Variants in TMEM178B observed in about 807,000 individuals in gnomAD.
TMEM178B encodes the protein transmembrane protein 178B.
Under a neutral mutation model 31.0 loss-of-function variants are expected in TMEM178B, and 5 were observed. The observed-to-expected ratio is 0.16, with a 90% CI of 0.08 to 0.34. The LOEUF (loss-of-function observed/expected upper bound fraction) is 0.34. TMEM178B is among the 10% of genes least tolerant of loss of function. The pLI, the probability that TMEM178B is intolerant of heterozygous loss-of-function variation, is 1.00. For missense variants in TMEM178B, 275 were observed against 400.3 expected (o/e 0.69, Z 2.67); for synonymous variants, 164 against 164.0 (o/e 1.00, Z 0.00).
the TMEM178B span, among the ~76,000 whole-genome samples, chr7:141,495,273 T>C: frequency 8.6e-3 from 1,316 of 152,290 alleles, 11 homozygotes; most frequent in African/African-American, 0.03. Flanking sequence ...GTCACTAGGT[T>C]GCCAAAAATA....
In TMEM178B at chr7:141,074,106, G is replaced by T; in HGVS notation, c.-205G>T. 1 of 660,860 alleles carries T rather than the reference G, an allele frequency of 1.5e-6. No individual in the cohort carries two copies. The highest frequency in any genetic ancestry group is 2.2e-6 in the Non-Finnish European group (1 of 449,872). The allele number at this position is 660,860 out of a possible 1,614,324, so 40.9% of individuals were successfully genotyped here. A position where few individuals can be genotyped will look rare whatever the true frequency, so the allele number is the denominator to read the frequency against. On this transcript the variant is annotated 5_prime_UTR_variant, in exon 1 of 4. Transcript: ENST00000565468. The surrounding 1 kb of genome is among the most constrained non-coding windows in gnomAD (Gnocchi z 5.1). ...CCCAGGAGCCCGCGGGAGCCTCTCC[G>T]GATCAGAACTTTTTAGGCCGCCCGC...
chr7:141,140,056 G>A lies in TMEM178B; in HGVS notation c.382+65364G>A, dbSNP rs2129179005. Among the ~76,000 whole-genome samples the A allele has an allele frequency of 1.3e-5, 2 of 152,244 alleles. 1 individual carries two copies. Among genetic ancestry groups the A allele is most frequent in the South Asian group, 4.1e-4 (2 of 4,822 alleles). ...GCTGGGATTACAGGCACGAGCCACTGCACCCGGCCAGAGGTTCTTCTCCTT... is the reference window on the plus strand; with the variant it reads ...GCTGGGATTACAGGCACGAGCCACTACACCCGGCCAGAGGTTCTTCTCCTT... On this transcript the variant is annotated intron_variant, in intron 1 of 3. Coordinates refer to ENST00000565468, the MANE Select transcript of TMEM178B (RefSeq NM_001195278.2).
At chr7:141,261,674 C>A (rs1798014431) in intron 2 of TMEM178B, among the ~76,000 whole-genome samples, 1 of 152,128 alleles carries the variant, frequency 6.6e-6, no homozygotes, top group African/African-American at 2.4e-5. Context: ...AGGTCCTCTG[C>A]TGGGTGCTTC....
chr7:141,238,132 G>T (rs1797559466), intron 2 of TMEM178B, among the ~76,000 whole-genome samples: 1 of 152,088 alleles, frequency 6.6e-6, no homozygotes, highest in African/African-American at 2.4e-5. Flanking sequence ...GTTGACTTCA[G>T]TGGAGGCTCA....
intron 2 of TMEM178B, among the ~76,000 whole-genome samples, chr7:141,265,912 C>A (rs980394934): frequency 1.3e-5 from 2 of 152,186 alleles, no homozygotes; most frequent in African/African-American, 4.8e-5. Flanking sequence ...TGGGTTTCCC[C>A]AGCTGAAGGC....
intron 2 of TMEM178B, among the ~76,000 whole-genome samples, chr7:141,404,318 AAAACAAAC>A (rs550387001): frequency 6.6e-6 from 1 of 152,176 alleles, no homozygotes; most frequent in Non-Finnish European, 1.5e-5. Context: ...AACAAAAACA[AAAACAAAC>A]AAACAAACAA....
intron 2 of TMEM178B, among the ~76,000 whole-genome samples, chr7:141,331,254 G>A (rs1249783132): frequency 5.9e-5 from 9 of 152,212 alleles, no homozygotes; most frequent in Non-Finnish European, 1.2e-4. Context: ...ATAACACCAA[G>A]GGAGTAAATG....
At chr7:141,443,470 A>T (rs1801697861) in intron 3 of TMEM178B, among the ~76,000 whole-genome samples, 1 of 152,166 alleles carries the variant, frequency 6.6e-6, no homozygotes, top group Non-Finnish European at 1.5e-5. Flanking sequence ...AAAGAGTACT[A>T]GTCAGGCATA....
At chr7:141,429,154 T>G (rs1801375199) in intron 2 of TMEM178B, among the ~76,000 whole-genome samples, 1 of 152,160 alleles carries the variant, frequency 6.6e-6, no homozygotes, top group Non-Finnish European at 1.5e-5. Flanking sequence ...AATCCAGCAA[T>G]TCCACTACTG....
chr7:141,483,502 G>A (rs1443561325), downstream of TMEM178B, among the ~76,000 whole-genome samples: 2 of 152,144 alleles, frequency 1.3e-5, no homozygotes, highest in African/African-American at 2.4e-5. Context: ...CATTAAGCAG[G>A]TCTGGATTGA....
the TMEM178B span, among the ~76,000 whole-genome samples, chr7:141,502,888 A>G: frequency 6.6e-6 from 1 of 152,242 alleles, no homozygotes; most frequent in African/African-American, 2.4e-5. Flanking sequence ...CAAGGAATTT[A>G]ATGTTTAATC....
chr7:141,246,154 C>T lies in TMEM178B; in HGVS notation c.496+33450C>T, dbSNP rs113722659. The stretch of plus-strand genomic sequence containing the variant: ...GTCTGAATAAGAATCAGGTTGCTTC[C>T]AGATCCCAGACAGCTACTGAGGACC... On this transcript the variant is annotated intron_variant, in intron 2 of 3. Transcript: ENST00000565468. Among the ~76,000 whole-genome samples the T allele has an allele frequency of 2.0e-3, 299 of 152,254 alleles. 2 individuals are homozygous for T. The highest frequency in any genetic ancestry group is 6.8e-3 in the African/African-American group (283 of 41,542).
At chr7:141,220,329 TAATAATA>T (rs1039039544) in intron 2 of TMEM178B, among the ~76,000 whole-genome samples, 25 of 37,304 alleles carry the variant, frequency 6.7e-4, no homozygotes, top group African/African-American at 3.4e-3. Context: ...ATAATAATAA[TAATAATA>T]ATAATAATAA....
intron 2 of TMEM178B, among the ~76,000 whole-genome samples, chr7:141,369,895 T>C (rs1324201689): frequency 6.6e-6 from 1 of 152,180 alleles, no homozygotes; most frequent in Non-Finnish European, 1.5e-5. Context: ...ATCAAACAGC[T>C]TGGAGAGAAA....
At chr7:141,441,766 A>C (rs1161142873) in intron 3 of TMEM178B, among the ~76,000 whole-genome samples, 1 of 152,226 alleles carries the variant, frequency 6.6e-6, no homozygotes, top group Admixed American at 6.5e-5. Flanking sequence ...CCTCTCTTCC[A>C]ATATGAAGGA....
intron 1 of TMEM178B, among the ~76,000 whole-genome samples, chr7:141,116,049 A>G (rs1316934406): frequency 6.6e-6 from 1 of 152,232 alleles, no homozygotes; most frequent in African/African-American, 2.4e-5. Context: ...GCAAATGAGT[A>G]TGGCGCTGGC....
chr7:141,283,480 T>TC (rs1412045620), intron 2 of TMEM178B, among the ~76,000 whole-genome samples: 1 of 152,220 alleles, frequency 6.6e-6, no homozygotes, highest in Admixed American at 6.5e-5. Context: ...GGGATGGCAT[T>TC]CCCCCTGGAT....
chr7:141,279,031 T>C (rs1398451225), intron 2 of TMEM178B, among the ~76,000 whole-genome samples: 2 of 152,228 alleles, frequency 1.3e-5, no homozygotes, highest in East Asian at 1.9e-4. Context: ...GTGAACATTA[T>C]GTAACCTCAA....
intron 2 of TMEM178B, among the ~76,000 whole-genome samples, chr7:141,404,150 A>G: frequency 6.6e-6 from 1 of 152,082 alleles, no homozygotes; most frequent in East Asian, 1.9e-4. Flanking sequence ...CTAAAAATAC[A>G]AAATATTAGC....
Sources: gnomAD v4.1 joint callset for allele counts (sites outside exome capture counted in the v4.1 genomes callset) on GRCh38, gnomAD v4.1.1 for gene constraint, Gnocchi (gnomAD v3.1) non-coding constraint, MANE v1.5 for transcripts, NCBI Gene and HGNC (gene_info 2026-07-23, HGNC 2026-07-21) for gene names.